HPS1: variants seen among roughly 807,000 people sequenced by gnomAD.
HPS1 encodes the protein BLOC-3 complex member HPS1.
Under a neutral mutation model 90.6 loss-of-function variants are expected in HPS1, and 59 were observed. The ratio of observed to expected loss-of-function variants is 0.65; its 90% CI spans 0.53 to 0.81. The LOEUF (loss-of-function observed/expected upper bound fraction) is 0.81, where lower values mean the gene tolerates loss of function less well. Among genes scored for constraint, HPS1 ranks in the 30% least tolerant of loss-of-function variants. The pLI is 0.00. For missense variants in HPS1, 849 were observed against 896.7 expected (o/e 0.95, Z 0.68); for synonymous variants, 388 against 384.4 (o/e 1.01, Z -0.11).
In HPS1 at chr10:98,422,356, T is replaced by TG; in HGVS notation, c.1743+12_1743+13insC. 6.6e-7 allele frequency: 1 copy of TG among 1,514,108 alleles called. No homozygotes were observed. Among genetic ancestry groups the TG allele is most frequent in the Non-Finnish European group, 9.1e-7 (1 of 1,099,220 alleles). 93.8% of individuals were successfully genotyped at this position (1,514,108 alleles called of 1,614,324 possible). ...GAGGCCCACCCATCCCCGCCCTGGG[T>TG]CCAAATGGTTACCTTAGTTTTGACA... On this transcript the variant is annotated intron_variant, in intron 17 of 19. Transcript: ENST00000361490.
intron 3 of HPS1, among the ~76,000 whole-genome samples, chr10:98,437,250 T>C (rs2136273961): frequency 6.6e-6 from 1 of 152,332 alleles, no homozygotes; most frequent in East Asian, 1.9e-4. Context: ...TCCCAATTAA[T>C]ATTTGGTTAA....
At chr10:98,418,435 A>G (rs925250789) in intron 18 of HPS1, among the ~76,000 whole-genome samples, 178 bp from the exon 19 acceptor site, 1 of 152,218 alleles carries the variant, frequency 6.6e-6, no homozygotes, top group Non-Finnish European at 1.5e-5. Context: ...TATGAACATT[A>G]GAGAAAAAGT....
In HPS1 at chr10:98,416,296, A is replaced by T. The variant is rs1322788771; in HGVS notation, c.*1268T>A. ...TCACATCCAGCCGCTGCTAAAAACT[A>T]AAGGGAAATAGTAGGTGACAAAAGC... On this transcript the variant is annotated 3_prime_UTR_variant, in exon 20 of 20. Transcript: ENST00000361490. The T allele has an allele frequency of 6.6e-6, 1 of 152,376 alleles. No homozygotes were observed. The highest frequency in any genetic ancestry group is 6.5e-5 in the Admixed American group (1 of 15,284). 9.4% of individuals were successfully genotyped at this position (152,376 alleles called of 1,614,324 possible).
chr10:98,439,462 T>A (rs1426339617), intron 3 of HPS1, among the ~76,000 whole-genome samples: 8 of 152,150 alleles, frequency 5.3e-5, no homozygotes, highest in African/African-American at 1.4e-4. Context: ...TCAAAGGAGA[T>A]CATTTCAAAG....
intron 8 of HPS1, among the ~76,000 whole-genome samples, chr10:98,430,168 T>G (rs983575860): frequency 6.6e-6 from 1 of 152,186 alleles, no homozygotes; most frequent in African/African-American, 2.4e-5. Context: ...TCACTAAGCA[T>G]TCACTATGCC....
At chr10:98,414,711 T>C (rs142500658), downstream of HPS1, 811 of 324,118 alleles carry the variant, frequency 2.5e-3, 9 homozygotes, top group Admixed American at 7.2e-3. Context: ...GCAAGAGATA[T>C]AGGGAAACCC....
Position 98,419,329 on chromosome 10 carries a change from C to A in HPS1, c.1857+716G>T, listed in dbSNP as rs555826247. Among the ~76,000 whole-genome samples, 163 of 152,266 alleles carry A rather than the reference C, an allele frequency of 1.1e-3. 1 individual carries two copies. The highest frequency in any genetic ancestry group is 3.1e-3 in the African/African-American group (130 of 41,542). On this transcript the variant is annotated intron_variant, in intron 18 of 19. Transcript: ENST00000361490. ...AACCACTCCTGAGAGCTGGAACAAC[C>A]ACTTATGGTGACAAGCGAGATGCAA...
rs11595763 is a variant in HPS1, at chr10:98,433,769, A to C, written c.507+214T>G. Among the ~76,000 whole-genome samples the C allele has an allele frequency of 0.13, 19,545 of 152,300 alleles. 1,523 individuals carry two copies. Among genetic ancestry groups the C allele is most frequent in the South Asian group, 0.22 (1,048 of 4,826 alleles). ...TGAACCCAAAAATTGCATTAAAAGT[A>C]TGTGTTATCCAGGATCGAGCTGTTT... On this transcript the variant is annotated intron_variant, in intron 6 of 19. Transcript: ENST00000361490.
At chr10:98,421,377 G>A (rs1442550743) in intron 17 of HPS1, among the ~76,000 whole-genome samples, 1 of 152,182 alleles carries the variant, frequency 6.6e-6, no homozygotes, top group Non-Finnish European at 1.5e-5. Flanking sequence ...ATTTATAACA[G>A]CAAAAGCCTA....
chr10:98,427,138 G>T, intron 11 of HPS1, 77 bp downstream of exon 11: 2 of 1,289,110 alleles, frequency 1.6e-6, no homozygotes, highest in Non-Finnish European at 2.2e-6. Flanking sequence ...CCCTGGAGGC[G>T]AAACCCTCAG....
intron 8 of HPS1, 90 bp from the exon 9 acceptor site, chr10:98,429,979 C>T (rs1846191148): frequency 1.0e-6 from 1 of 980,672 alleles, no homozygotes; most frequent in Non-Finnish European, 1.5e-6. Flanking sequence ...AGAGAAGCCT[C>T]CACCCCTCCA....
Position 98,435,007 on chromosome 10 carries a change from T to A in HPS1, c.398+265A>T. The A allele has an allele frequency of 2.0e-6, 1 of 504,766 alleles. No homozygotes were observed. Among genetic ancestry groups the A allele is most frequent in the South Asian group, 2.0e-5 (1 of 49,328 alleles). 31.3% of individuals were successfully genotyped at this position (504,766 alleles called of 1,614,324 possible). A position where few individuals can be genotyped will look rare whatever the true frequency, so the allele number is the denominator to read the frequency against. On this transcript the variant is annotated intron_variant, in intron 5 of 19. Coordinates refer to ENST00000361490, the MANE Select transcript of HPS1 (RefSeq NM_000195.5). This position sits in a 1 kb window ranked among gnomAD's most constrained non-coding sequence, Gnocchi z 4.3. ...GAGCACTGGACTGAGAGTCCTGAGCTCAAATATCCAGTTTGGATGTGGCCA... is the reference window on the plus strand; with the variant it reads ...GAGCACTGGACTGAGAGTCCTGAGCACAAATATCCAGTTTGGATGTGGCCA...
At chr10:98,443,562 C>G (rs1490450370) in intron 2 of HPS1, among the ~76,000 whole-genome samples, 5 of 152,298 alleles carry the variant, frequency 3.3e-5, no homozygotes, top group South Asian at 2.1e-4. Context: ...ACAGACCCAC[C>G]ACGGGGCCTA....
downstream of HPS1, among the ~76,000 whole-genome samples, chr10:98,415,545 C>T (rs1268580141): frequency 6.6e-6 from 1 of 152,242 alleles, no homozygotes; most frequent in African/African-American, 2.4e-5. Flanking sequence ...CCCTGTGCAT[C>T]TACCTTCTCA....
intron 2 of HPS1, among the ~76,000 whole-genome samples, chr10:98,444,835 T>A (rs1939185979): frequency 1.3e-5 from 2 of 152,138 alleles, no homozygotes; most frequent in African/African-American, 4.8e-5. Flanking sequence ...AAAAGGAGGT[T>A]GCTGGGAGAG....
At position 98,429,318 on chromosome 10, in the gene HPS1, A is replaced by G; in HGVS notation, c.937+255T>C. The G allele has an allele frequency of 4.2e-6, 6 of 1,422,564 alleles. No homozygotes were observed. The South Asian group carries it at 8.8e-5, about 21-fold the overall frequency. 88.1% of individuals were successfully genotyped at this position (1,422,564 alleles called of 1,614,324 possible). A position where few individuals can be genotyped will look rare whatever the true frequency, so the allele number is the denominator to read the frequency against. On this transcript the variant is annotated intron_variant, in intron 10 of 19. Transcript: ENST00000361490. ...AAGATGAGTCTGAGAATGCATGTAC[A>G]GAAGTTTTAAATGAATCAACTTGTC... is the stretch of plus-strand genomic sequence containing the variant.
In HPS1 at chr10:98,425,686, TG is replaced by T. The variant is rs281865084; in HGVS notation, c.1189del (p.Gln397SerfsTer2). 9.1e-5 allele frequency: 147 copies of T among 1,613,148 alleles called. No individual in the cohort carries two copies. The highest frequency in any genetic ancestry group is 1.2e-4 in the Non-Finnish European group (144 of 1,179,694). On this transcript the variant is annotated frameshift_variant, in exon 13 of 20. Coordinates refer to ENST00000361490, the MANE Select transcript of HPS1 (RefSeq NM_000195.5). LOFTEE classifies it high-confidence loss of function. ...PSAPLALVLS[Q>X]LMDGFSMLEK... The stretch of plus-strand genomic sequence containing the variant: ...CAGCATGGAGAAGCCATCCATCAGC[TG>T]GGACAGAACCAGGGCCAGGGGCGCG...
chr10:98,421,112 A>G (rs1219360131), intron 17 of HPS1, among the ~76,000 whole-genome samples: 1 of 152,224 alleles, frequency 6.6e-6, no homozygotes, highest in East Asian at 1.9e-4. Flanking sequence ...GGCTGGGAAG[A>G]GACTCGAGGA....
rs1243504656 is a variant in HPS1, at chr10:98,417,823, C to T, written c.1941-97G>A. The T allele has an allele frequency of 2.7e-5, 32 of 1,166,768 alleles. No homozygotes were observed. Among genetic ancestry groups the T allele is most frequent in the Non-Finnish European group, 3.8e-5 (30 of 791,128 alleles). The allele number at this position is 1,166,768 out of a possible 1,614,324, so 72.3% of individuals were successfully genotyped here. ...GGCCCTCGCAAGCAAATGCCCATGC[C>T]CTCGGTCATCTCACTAGGCCCCTGC... On this transcript the variant is annotated intron_variant, in intron 19 of 19. Transcript: ENST00000361490. The surrounding 1 kb of genome is among the most constrained non-coding windows in gnomAD (Gnocchi z 4.2).
Sources: gnomAD v4.1 joint callset for allele counts (sites outside exome capture counted in the v4.1 genomes callset) on GRCh38, gnomAD v4.1.1 for gene constraint, Gnocchi (gnomAD v3.1) non-coding constraint, MANE v1.5 for transcripts, NCBI Gene and HGNC (gene_info 2026-07-23, HGNC 2026-07-21) for gene names.